KHDRBS2: variants seen among roughly 807,000 people sequenced by gnomAD.
KHDRBS2 encodes the protein KH RNA binding domain containing, signal transduction associated 2.
Under a neutral mutation model 44.3 loss-of-function variants are expected in KHDRBS2, and 26 were observed. The observed-to-expected ratio is 0.59, with a 90% CI of 0.43 to 0.81. The LOEUF (loss-of-function observed/expected upper bound fraction) is 0.81. Among genes scored for constraint, KHDRBS2 ranks in the 40% least tolerant of loss-of-function variants. The pLI is 0.00. For synonymous variants in KHDRBS2, 194 were observed against 151.1 expected, an observed-to-expected ratio of 1.28 and a Z score of -2.08; for missense variants, 476 against 433.1, an observed-to-expected ratio of 1.10 and a Z score of -0.88.
intron 4 of KHDRBS2, among the ~76,000 whole-genome samples, chr6:61,918,727 G>A (rs1021524713): frequency 6.6e-6 from 1 of 151,966 alleles, no homozygotes; most frequent in Non-Finnish European, 1.5e-5. Flanking sequence ...TCTGAGAAAA[G>A]AAGAGGTAAT....
the KHDRBS2 span, among the ~76,000 whole-genome samples, chr6:61,571,391 C>A: frequency 6.6e-6 from 1 of 151,978 alleles, no homozygotes; most frequent in African/African-American, 2.4e-5. Context: ...TATATATGCA[C>A]CTAATACTGG....
At chr6:61,549,725 T>A in the KHDRBS2 span, among the ~76,000 whole-genome samples, 1 of 152,194 alleles carries the variant, frequency 6.6e-6, no homozygotes, top group Non-Finnish European at 1.5e-5. Flanking sequence ...CAAAACTTGA[T>A]AAGTAACCTT....
intron 1 of KHDRBS2, among the ~76,000 whole-genome samples, chr6:62,179,979 T>C (rs1006985697): frequency 6.6e-6 from 1 of 151,858 alleles, no homozygotes; most frequent in African/African-American, 2.4e-5. Context: ...AAATGGTATA[T>C]GCCAAACTTG....
chr6:62,007,234 C>T (rs554120697), intron 3 of KHDRBS2, among the ~76,000 whole-genome samples: 1 of 152,156 alleles, frequency 6.6e-6, no homozygotes, highest in African/African-American at 2.4e-5. Flanking sequence ...GCAGAAGTTC[C>T]ATCTTCTGCT....
intron 1 of KHDRBS2, among the ~76,000 whole-genome samples, chr6:62,217,362 T>C (rs1156574070): frequency 2.0e-5 from 3 of 151,824 alleles, no homozygotes; most frequent in East Asian, 1.9e-4. Context: ...TTCAACGTCA[T>C]GTAATTGATT....
chr6:61,876,390 A>G (rs756109277), intron 6 of KHDRBS2, among the ~76,000 whole-genome samples: 25 of 152,092 alleles, frequency 1.6e-4, no homozygotes, highest in Non-Finnish European at 2.9e-4. Flanking sequence ...TTACAATACT[A>G]GATTATTACA....
intron 2 of KHDRBS2, among the ~76,000 whole-genome samples, chr6:62,098,001 A>T (rs1218772952): frequency 6.6e-6 from 1 of 152,112 alleles, no homozygotes; most frequent in Non-Finnish European, 1.5e-5. Context: ...AGGAAATGAA[A>T]CAAACAAACA....
chr6:61,634,932 T>C, the KHDRBS2 span, among the ~76,000 whole-genome samples: 2 of 151,882 alleles, frequency 1.3e-5, no homozygotes, highest in Non-Finnish European at 2.9e-5. Flanking sequence ...CCAATTATTA[T>C]CTATTTTATA....
intron 7 of KHDRBS2, among the ~76,000 whole-genome samples, chr6:61,721,354 G>T (rs1261037716): frequency 1.3e-5 from 2 of 151,968 alleles, no homozygotes; most frequent in African/African-American, 2.4e-5. Flanking sequence ...CATTGAATCT[G>T]TAAATTACCT....
intron 6 of KHDRBS2, among the ~76,000 whole-genome samples, chr6:61,861,544 GC>G (rs1347750376): frequency 6.6e-6 from 1 of 151,930 alleles, no homozygotes; most frequent in African/African-American, 2.4e-5. Context: ...TCTTATTTCT[GC>G]GTTCTCTATT....
chr6:62,023,585 A>G (rs1782728413), intron 3 of KHDRBS2, among the ~76,000 whole-genome samples: 1 of 151,642 alleles, frequency 6.6e-6, no homozygotes, highest in South Asian at 2.1e-4. Flanking sequence ...AAATGCCTAA[A>G]TGAGTAATAT....
chr6:61,972,975 A>G (rs1338690370), intron 4 of KHDRBS2, among the ~76,000 whole-genome samples: 2 of 152,100 alleles, frequency 1.3e-5, no homozygotes, highest in Non-Finnish European at 2.9e-5. Flanking sequence ...GCAAAAGCCC[A>G]TCTCTACTAA....
intron 2 of KHDRBS2, among the ~76,000 whole-genome samples, chr6:62,153,551 A>G (rs1334367492): frequency 6.6e-6 from 1 of 152,140 alleles, no homozygotes; most frequent in Admixed American, 6.5e-5. Flanking sequence ...TTACAAGAGT[A>G]TGGATTTAAA....
chr6:61,961,777 G>C (rs1768786840), intron 4 of KHDRBS2, among the ~76,000 whole-genome samples: 1 of 152,020 alleles, frequency 6.6e-6, no homozygotes. Context: ...TTGCTGGGTG[G>C]GCAAAATCAT....
At chr6:61,912,889 G>T (rs1038077989) in intron 4 of KHDRBS2, among the ~76,000 whole-genome samples, 3 of 152,086 alleles carry the variant, frequency 2.0e-5, no homozygotes, top group African/African-American at 7.2e-5. Flanking sequence ...TCAGTTCTTG[G>T]ATCTCTTCCG....
At chr6:62,196,265 CAAAT>C (rs1825681189) in intron 1 of KHDRBS2, among the ~76,000 whole-genome samples, 1 of 152,060 alleles carries the variant, frequency 6.6e-6, no homozygotes, top group Non-Finnish European at 1.5e-5. Flanking sequence ...AACAAACTGT[CAAAT>C]AAAATAAATT....
intron 6 of KHDRBS2, among the ~76,000 whole-genome samples, chr6:61,800,367 C>G (rs1239501557): frequency 6.6e-6 from 1 of 151,996 alleles, no homozygotes; most frequent in Non-Finnish European, 1.5e-5. Context: ...ATATGAGGAG[C>G]TTTAGTGAGG....
At chr6:62,082,095 C>T (rs1372975293) in intron 2 of KHDRBS2, among the ~76,000 whole-genome samples, 5 of 152,020 alleles carry the variant, frequency 3.3e-5, no homozygotes, top group Non-Finnish European at 7.4e-5. Flanking sequence ...AAAACAGCTA[C>T]TTTAGGAGGT....
chr6:61,956,071 T>C (rs1767197242), intron 4 of KHDRBS2, among the ~76,000 whole-genome samples: 1 of 151,992 alleles, frequency 6.6e-6, no homozygotes, highest in Non-Finnish European at 1.5e-5. Context: ...TGTGCGTCTG[T>C]ATTCCCAGCT....
Sources: allele counts gnomAD v4.1 joint callset (sites outside exome capture counted in the v4.1 genomes callset), GRCh38; gene constraint gnomAD v4.1.1; transcripts MANE v1.5; gene names NCBI Gene and HGNC (gene_info 2026-07-23, HGNC 2026-07-21).